Variants in GRB2 observed in about 807,000 individuals in gnomAD.
The protein encoded by GRB2 is growth factor receptor-bound protein 2.
Under a neutral mutation model 27.4 loss-of-function variants are expected in GRB2, and 2 were observed. The observed-to-expected ratio is 0.07, with a 90% CI of 0.03 to 0.23. The LOEUF is 0.23. Among genes scored for constraint, GRB2 ranks in the 10% least tolerant of loss-of-function variants. The probability of loss-of-function intolerance (pLI) is 1.00; values close to 1 mark genes in which losing one functional copy is unlikely to be tolerated. For missense variants in GRB2, 102 were observed against 282.4 expected (o/e 0.36, Z 4.58); for synonymous variants, 94 against 99.6 (o/e 0.94, Z 0.33).
chr17:75,321,871 C>A, intron 4 of GRB2, 44 bp from the exon 5 acceptor site: 1 of 1,595,844 alleles, frequency 6.3e-7, no homozygotes, highest in Non-Finnish European at 8.5e-7. Context: ...AAGGCTCTAA[C>A]TTGGCAAATC....
intron 2 of GRB2, among the ~76,000 whole-genome samples, chr17:75,342,153 A>T (rs2078625651): frequency 6.6e-6 from 1 of 152,156 alleles, no homozygotes; most frequent in African/African-American, 2.4e-5. Flanking sequence ...ATAGTATTTA[A>T]TGGAGGATTA....
chr17:75,350,442 C>G (rs913523128), intron 2 of GRB2, among the ~76,000 whole-genome samples: 2 of 152,006 alleles, frequency 1.3e-5, no homozygotes, highest in African/African-American at 4.8e-5. Context: ...TTGGGGAGAC[C>G]GAATCTAATC....
At chr17:75,339,056 G>A (rs1196891694) in intron 2 of GRB2, 27 of 1,314,378 alleles carry the variant, frequency 2.1e-5, no homozygotes, top group Non-Finnish European at 2.8e-5. Context: ...GAGCCCAACT[G>A]CAGATCTAAG....
At chr17:75,339,007 G>C in intron 2 of GRB2, 1 of 1,262,468 alleles carries the variant, frequency 7.9e-7, no homozygotes, top group Non-Finnish European at 1.2e-6. Context: ...GAAAAAGGCT[G>C]AAACCACAAA....
chr17:75,375,024 T>C (rs1461209450), intron 2 of GRB2, among the ~76,000 whole-genome samples: 1 of 151,988 alleles, frequency 6.6e-6, no homozygotes, highest in African/African-American at 2.4e-5. Context: ...GCCTCCTGAG[T>C]AGCTGGGACT....
intron 2 of GRB2, among the ~76,000 whole-genome samples, chr17:75,387,069 G>C (rs2078968853): frequency 6.6e-6 from 1 of 151,978 alleles, no homozygotes; most frequent in South Asian, 2.1e-4. Context: ...GCTGAGGTAG[G>C]AGAATGGCAT....
chr17:75,329,766 G>A (rs1260601808), intron 3 of GRB2, among the ~76,000 whole-genome samples: 1 of 152,062 alleles, frequency 6.6e-6, no homozygotes, highest in Non-Finnish European at 1.5e-5. Context: ...GTGGTGCACA[G>A]CTGTAGACGC....
chr17:75,334,976 C>T (rs552795996), intron 2 of GRB2, among the ~76,000 whole-genome samples: 14 of 151,918 alleles, frequency 9.2e-5, no homozygotes, highest in Admixed American at 2.0e-4. Context: ...TTTCAGCCTC[C>T]TGAGTACCTG....
chr17:75,385,346 G>A (rs1486049997), intron 2 of GRB2, among the ~76,000 whole-genome samples: 2 of 152,064 alleles, frequency 1.3e-5, no homozygotes, highest in African/African-American at 2.4e-5. Flanking sequence ...AGACCAGCCC[G>A]GCCAACATGG....
chr17:75,393,489 G>A (rs1434223734), intron 2 of GRB2, 62 bp downstream of exon 2: 2 of 1,272,934 alleles, frequency 1.6e-6, no homozygotes, highest in East Asian at 2.3e-5. Context: ...TAATCAGGGC[G>A]AAAGAAGGTG....
At chr17:75,352,294 T>C (rs1274903360) in intron 2 of GRB2, among the ~76,000 whole-genome samples, 3 of 152,138 alleles carry the variant, frequency 2.0e-5, no homozygotes, top group Non-Finnish European at 4.4e-5. Context: ...GTTCTTTCTC[T>C]AAGCACCTAC....
In GRB2 at chr17:75,400,259, C is replaced by T. The variant is rs150979592; in HGVS notation, c.-138+5230G>A. Among the ~76,000 whole-genome samples the T allele has an allele frequency of 1.9e-3, 293 of 152,192 alleles. 1 individual carries two copies. The highest frequency in any genetic ancestry group is 6.5e-3 in the African/African-American group (268 of 41,524). On this transcript the variant is annotated intron_variant, in intron 1 of 5. Transcript: ENST00000316804. The stretch of plus-strand genomic sequence containing the variant: ...CACGATCTCAGCTCACTGCAATCTC[C>T]GCCTCCTGAGTTCCAGCAATTCCCC...
chr17:75,389,707 G>C (rs1289715117), intron 2 of GRB2, among the ~76,000 whole-genome samples: 1 of 151,984 alleles, frequency 6.6e-6, no homozygotes, highest in Non-Finnish European at 1.5e-5. Context: ...TTAGCCGGGC[G>C]TGCTGGTGGG....
intron 3 of GRB2, among the ~76,000 whole-genome samples, chr17:75,328,060 T>C (rs990411196): frequency 2.0e-5 from 3 of 152,192 alleles, no homozygotes; most frequent in African/African-American, 7.2e-5. Flanking sequence ...CGGTACCTCA[T>C]GCCTGTAATT....
intron 1 of GRB2, among the ~76,000 whole-genome samples, chr17:75,395,912 G>A (rs113611646): frequency 0.075 from 11,351 of 151,214 alleles, 441 homozygotes; most frequent in Middle Eastern, 0.13. Context: ...GCATGATCTC[G>A]GCTCATTGCA....
chr17:75,332,068 C>T (rs1221796682), intron 3 of GRB2, among the ~76,000 whole-genome samples: 1 of 152,020 alleles, frequency 6.6e-6, no homozygotes, highest in African/African-American at 2.4e-5. Context: ...GGAGCAGGGC[C>T]TGTGAATGAG....
In GRB2 at chr17:75,399,892, GAT is replaced by G. The variant is rs534245928; in HGVS notation, c.-138+5595_-138+5596del. Among the ~76,000 whole-genome samples, 9 of 151,276 alleles carry G rather than the reference GAT, an allele frequency of 5.9e-5. No homozygotes were observed. The South Asian group carries it at 1.9e-3, about 32-fold the overall frequency. Reference sequence around the variant, plus strand: ...TCACCATGTTAGCCAGGATGGTCTCGATCTCCTGACCTCGTGATCCGCCTGCC... The same window carrying G: ...TCACCATGTTAGCCAGGATGGTCTCGCTCCTGACCTCGTGATCCGCCTGCC... On this transcript the variant is annotated intron_variant, in intron 1 of 5. Transcript: ENST00000316804.
chr17:75,333,905 C>T (rs983090080), intron 2 of GRB2, among the ~76,000 whole-genome samples: 3 of 152,190 alleles, frequency 2.0e-5, no homozygotes, highest in Non-Finnish European at 2.9e-5. Flanking sequence ...AGTGACCCCA[C>T]AGAGCTAACA....
At chr17:75,404,111 T>TA (rs971936201) in intron 1 of GRB2, among the ~76,000 whole-genome samples, 433 of 142,586 alleles carry the variant, frequency 3.0e-3, no homozygotes, top group South Asian at 6.6e-3. Flanking sequence ...AAACTCTGCC[T>TA]AAAAAAAAAA....
Sources: gnomAD v4.1 joint callset for allele counts (sites outside exome capture counted in the v4.1 genomes callset) on GRCh38, gnomAD v4.1.1 for gene constraint, MANE v1.5 for transcripts, NCBI Gene and HGNC (gene_info 2026-07-23, HGNC 2026-07-21) for gene names.